The following BICC1 variants were observed in gnomAD, a reference collection of about 807,000 sequenced individuals.
The protein encoded by BICC1 is protein bicaudal C homolog 1.
BICC1 carries 43 observed loss-of-function variants against 111.0 expected under a neutral mutation model. The observed-to-expected ratio is 0.39, with a 90% CI of 0.30 to 0.50. The LOEUF (loss-of-function observed/expected upper bound fraction) is 0.50. Ranked by LOEUF, BICC1 falls within the 20% of genes least tolerant of loss-of-function variation. BICC1 has a pLI of 0.88. For missense variants in BICC1, 1,091 were observed against 1,203.2 expected (o/e 0.91, Z 1.38); for synonymous variants, 467 against 434.4 (o/e 1.07, Z -0.93).
chr10:58,781,832 T>A (rs941124045), intron 3 of BICC1, among the ~76,000 whole-genome samples: 4 of 152,228 alleles, frequency 2.6e-5, no homozygotes, highest in Non-Finnish European at 5.9e-5. Flanking sequence ...TGTATGCATC[T>A]TTTAAGCAAG....
intron 3 of BICC1, among the ~76,000 whole-genome samples, chr10:58,731,899 GATT>G (rs1216063074): frequency 1.3e-5 from 2 of 152,242 alleles, no homozygotes; most frequent in African/African-American, 2.4e-5. Context: ...CAACATTGGA[GATT>G]ACAATTCAAA....
chr10:58,535,648 C>T (rs190727872), intron 1 of BICC1, among the ~76,000 whole-genome samples: 160 of 151,598 alleles, frequency 1.1e-3, no homozygotes, highest in Non-Finnish European at 1.8e-3. Flanking sequence ...AAAATTCACA[C>T]GGCTTATAAA....
intron 18 of BICC1, 26 bp from the exon 19 acceptor site, chr10:58,817,536 A>C: frequency 6.2e-7 from 1 of 1,612,850 alleles, no homozygotes; most frequent in Non-Finnish European, 8.5e-7. Flanking sequence ...TTTACACTTC[A>C]AGCCTGTCTC....
chr10:58,523,291 G>A (rs1002526787), intron 1 of BICC1, among the ~76,000 whole-genome samples: 5 of 152,182 alleles, frequency 3.3e-5, no homozygotes, highest in African/African-American at 1.2e-4. Flanking sequence ...GAACATCGAT[G>A]CAAAAATCCT....
chr10:58,568,534 C>T (rs1437861241), intron 1 of BICC1, among the ~76,000 whole-genome samples: 3 of 152,042 alleles, frequency 2.0e-5, no homozygotes, highest in Non-Finnish European at 4.4e-5. Flanking sequence ...CTCCTTCTGG[C>T]AAGAATGAAA....
intron 17 of BICC1, among the ~76,000 whole-genome samples, chr10:58,813,594 A>C (rs545052711): frequency 1.3e-5 from 2 of 152,074 alleles, no homozygotes; most frequent in East Asian, 1.9e-4. Flanking sequence ...CTCAGAATCT[A>C]CTCCCCATAA....
At chr10:58,717,540 AAGC>A (rs2132508702) in intron 3 of BICC1, among the ~76,000 whole-genome samples, 1 of 152,360 alleles carries the variant, frequency 6.6e-6, no homozygotes, top group East Asian at 1.9e-4. Flanking sequence ...TTAAAAAAAT[AAGC>A]AGAGAACTTC....
intron 1 of BICC1, among the ~76,000 whole-genome samples, chr10:58,581,704 T>C (rs1311283339): frequency 1.3e-5 from 2 of 152,116 alleles, no homozygotes; most frequent in Non-Finnish European, 2.9e-5. Flanking sequence ...CTAGACGCAA[T>C]CATACTGTAT....
chr10:58,714,463 C>G (rs1840673600), intron 3 of BICC1, among the ~76,000 whole-genome samples: 1 of 152,176 alleles, frequency 6.6e-6, no homozygotes, highest in Non-Finnish European at 1.5e-5. Flanking sequence ...GCAATTTAAA[C>G]TGTTTGTTTA....
At chr10:58,597,423 G>A (rs558752012) in intron 1 of BICC1, among the ~76,000 whole-genome samples, 11 of 150,138 alleles carry the variant, frequency 7.3e-5, no homozygotes, top group African/African-American at 2.4e-4. Flanking sequence ...ACTGATAAGG[G>A]TCCAACAAAG....
At chr10:58,764,440 C>T (rs1260086626) in intron 3 of BICC1, among the ~76,000 whole-genome samples, 2 of 152,046 alleles carry the variant, frequency 1.3e-5, no homozygotes, top group East Asian at 1.9e-4. Flanking sequence ...AGGAAAGGAC[C>T]TGGAATTCAC....
intron 2 of BICC1, among the ~76,000 whole-genome samples, chr10:58,658,717 A>G (rs950878958): frequency 6.6e-6 from 1 of 152,062 alleles, no homozygotes; most frequent in African/African-American, 2.4e-5. Flanking sequence ...AATTGTTCCA[A>G]ATTTGGCCAG....
intron 1 of BICC1, among the ~76,000 whole-genome samples, chr10:58,557,670 C>CA (rs1222865244): frequency 6.6e-6 from 1 of 152,000 alleles, no homozygotes; most frequent in Non-Finnish European, 1.5e-5. Context: ...TTTTTTACCC[C>CA]AAAGATGTAG....
At position 58,798,482 on chromosome 10, in the gene BICC1, C is replaced by A. The variant is rs1476205978; in HGVS notation, c.1450C>A (p.Pro484Thr). Residue 484 changes from proline to threonine, a missense_variant, in exon 11 of 21, where the codon CCT becomes ACT. Transcript: ENST00000373886. The part of the protein sequence containing the change: ...LLNALNSSVS[P>T]LQSPSSGTPS... ...GAATGCTCTTAATAGCTCAGTCAGT[C>A]CTTTGCAAAGTCCAAGTTCTGGTAC... The A allele has an allele frequency of 1.2e-6, 2 of 1,613,340 alleles. No homozygotes were observed. Among genetic ancestry groups the A allele is most frequent in the East Asian group, 4.5e-5 (2 of 44,826 alleles).
intron 1 of BICC1, among the ~76,000 whole-genome samples, chr10:58,552,950 T>C (rs968232941): frequency 2.0e-5 from 3 of 152,198 alleles, no homozygotes; most frequent in Non-Finnish European, 2.9e-5. Flanking sequence ...ATTTTAGTTA[T>C]TATTTTAAAG....
intron 3 of BICC1, among the ~76,000 whole-genome samples, chr10:58,732,381 AT>A (rs1841338786): frequency 3.6e-3 from 1 of 276 alleles, no homozygotes; most frequent in Non-Finnish European, 8.1e-3. Context: ...GTGTGTATGT[AT>A]ATATATATAT....
At chr10:58,588,683 C>T (rs1361511179) in intron 1 of BICC1, among the ~76,000 whole-genome samples, 1 of 152,084 alleles carries the variant, frequency 6.6e-6, no homozygotes, top group African/African-American at 2.4e-5. Context: ...GCTGTGCACA[C>T]GATGTCACAG....
At chr10:58,612,257 A>G (rs1466475830) in intron 1 of BICC1, among the ~76,000 whole-genome samples, 1 of 152,218 alleles carries the variant, frequency 6.6e-6, no homozygotes, top group Admixed American at 6.5e-5. Flanking sequence ...TTTGCATGCC[A>G]TTCCAAAGTG....
intron 1 of BICC1, among the ~76,000 whole-genome samples, chr10:58,574,558 A>G (rs1217469517): frequency 6.6e-6 from 1 of 152,142 alleles, no homozygotes; most frequent in Non-Finnish European, 1.5e-5. Context: ...CAGCTCTTTC[A>G]CCTTCAGGAA....
Sources: gnomAD v4.1 joint callset for allele counts (sites outside exome capture counted in the v4.1 genomes callset) on GRCh38, gnomAD v4.1.1 for gene constraint, MANE v1.5 for transcripts, NCBI Gene and HGNC (gene_info 2026-07-23, HGNC 2026-07-21) for gene names.